PCBD2: variants seen among roughly 807,000 people sequenced by gnomAD.
PCBD2 encodes the protein pterin-4-alpha-carbinolamine dehydratase 2.
PCBD2 carries 12 observed loss-of-function variants against 16.4 expected under a neutral mutation model. That is an observed-to-expected ratio of 0.73 (90% CI 0.47 to 1.19). The LOEUF (loss-of-function observed/expected upper bound fraction) is 1.19, where lower values mean the gene tolerates loss of function less well. PCBD2 is among the 50% of genes most tolerant of loss of function. PCBD2 has a pLI of 0.00. For missense variants in PCBD2, 138 were observed against 156.8 expected (o/e 0.88, Z 0.64); for synonymous variants, 58 against 61.8 (o/e 0.94, Z 0.29).
Position 134,929,252 on chromosome 5 carries a change from C to T in PCBD2, c.216+18786C>T, listed in dbSNP as rs77844458. Among the ~76,000 whole-genome samples, 515 of 149,204 alleles carry T rather than the reference C, an allele frequency of 3.5e-3. 8 individuals carry two copies. The East Asian group carries it at 0.038, about 11-fold the overall frequency. On this transcript the variant is annotated intron_variant, in intron 2 of 3. Transcript: ENST00000254908. ...ATCCCAGCATTTTGGGAGGCCAAGGCGGGAGAATTGCTTGAGGCCAGGAGT... is the reference window on the plus strand; with the variant it reads ...ATCCCAGCATTTTGGGAGGCCAAGGTGGGAGAATTGCTTGAGGCCAGGAGT...
At chr5:134,929,882 A>G (rs1751071449) in intron 2 of PCBD2, among the ~76,000 whole-genome samples, 1 of 152,062 alleles carries the variant, frequency 6.6e-6, no homozygotes, top group African/African-American at 2.4e-5. Flanking sequence ...TTTTGTAGAG[A>G]CAAGGTCTCG....
At chr5:134,927,907 G>C (rs1425359245) in intron 2 of PCBD2, 1 of 397,032 alleles carries the variant, frequency 2.5e-6, no homozygotes, top group Non-Finnish European at 4.4e-6. Context: ...TTGTTGATTT[G>C]GTTGAAAAAT....
intron 2 of PCBD2, chr5:134,924,528 CG>C: frequency 2.5e-6 from 1 of 397,524 alleles, no homozygotes; most frequent in Non-Finnish European, 4.4e-6. Context: ...AGGGCTGATT[CG>C]GGAGGATCCT....
At chr5:134,912,135 TG>T (rs1750775273) in intron 2 of PCBD2, among the ~76,000 whole-genome samples, 1 of 152,358 alleles carries the variant, frequency 6.6e-6, no homozygotes, top group East Asian at 1.9e-4. Flanking sequence ...CATTATTCAC[TG>T]GGGCATTTAA....
intron 2 of PCBD2, among the ~76,000 whole-genome samples, chr5:134,941,632 TAAGTA>T (rs1224540226): frequency 1.3e-5 from 2 of 152,142 alleles, no homozygotes; most frequent in African/African-American, 4.8e-5. Context: ...CTTCTAAAAA[TAAGTA>T]AAGAAAACCA....
At chr5:134,956,727 C>T (rs1295127452) in intron 2 of PCBD2, among the ~76,000 whole-genome samples, 1 of 152,186 alleles carries the variant, frequency 6.6e-6, no homozygotes, top group Non-Finnish European at 1.5e-5. Context: ...AGCCATTCTT[C>T]TGGAAGACAG....
At chr5:134,936,508 C>G (rs1053029538) in intron 2 of PCBD2, among the ~76,000 whole-genome samples, 4 of 152,226 alleles carry the variant, frequency 2.6e-5, no homozygotes, top group Non-Finnish European at 4.4e-5. Flanking sequence ...CAGGAACAGA[C>G]TGTTGGGAAG....
intron 2 of PCBD2, among the ~76,000 whole-genome samples, chr5:134,916,699 A>G (rs771027818): frequency 7.2e-5 from 11 of 152,258 alleles, no homozygotes; most frequent in Non-Finnish European, 1.3e-4. Flanking sequence ...GATAGCTCAG[A>G]TGGATACAAA....
At chr5:134,929,256 A>C (rs1228784456) in intron 2 of PCBD2, among the ~76,000 whole-genome samples, 2 of 151,152 alleles carry the variant, frequency 1.3e-5, no homozygotes, top group Non-Finnish European at 2.9e-5. Flanking sequence ...CCAAGGCGGG[A>C]GAATTGCTTG....
At chr5:134,915,208 A>G (rs1028512415) in intron 2 of PCBD2, among the ~76,000 whole-genome samples, 1 of 151,800 alleles carries the variant, frequency 6.6e-6, no homozygotes, top group Admixed American at 6.6e-5. Context: ...CCAGCTACTC[A>G]GGAGGCTGAG....
intron 2 of PCBD2, among the ~76,000 whole-genome samples, chr5:134,919,863 T>A (rs1341727355): frequency 2.0e-5 from 3 of 152,274 alleles, no homozygotes; most frequent in Non-Finnish European, 4.4e-5. Context: ...CTTTCGGGTT[T>A]GCACTGCAGT....
intron 2 of PCBD2, among the ~76,000 whole-genome samples, chr5:134,939,139 G>T (rs535479778): frequency 1.3e-5 from 2 of 152,160 alleles, no homozygotes; most frequent in South Asian, 4.1e-4. Context: ...TATATTTAAA[G>T]AAAATATTGA....
At chr5:134,929,319 C>T (rs973889261) in intron 2 of PCBD2, among the ~76,000 whole-genome samples, 3 of 148,302 alleles carry the variant, frequency 2.0e-5, no homozygotes, top group Non-Finnish European at 3.0e-5. Context: ...TGCACTGCAA[C>T]CTGGGTAATA....
At chr5:134,958,314 G>A (rs760064467) in intron 2 of PCBD2, among the ~76,000 whole-genome samples, 1 of 152,158 alleles carries the variant, frequency 6.6e-6, no homozygotes, top group African/African-American at 2.4e-5. Flanking sequence ...TCCACTCCCC[G>A]TGTGGTATAA....
Position 134,905,164 on chromosome 5 carries a change from G to GGGGCGCTCC in PCBD2, c.30_31insCTCCGGGCG (p.Ala10_Thr11insLeuArgAla). On this transcript the variant is annotated inframe_insertion, in exon 1 of 4. Transcript: ENST00000254908. ...AATGGCGGCGGTGCTCGGGGCGCTC[G>GGGGCGCTCC]GGGCGACGCGGCGCTTGTTGGCGGC... 1.6e-6 allele frequency: 2 copies of GGGGCGCTCC among 1,223,022 alleles called. No individual in the cohort carries two copies. Among genetic ancestry groups the GGGGCGCTCC allele is most frequent in the Non-Finnish European group, 2.0e-6 (2 of 982,654 alleles). The allele number at this position is 1,223,022 out of a possible 1,614,324, so 75.8% of individuals were successfully genotyped here.
intron 2 of PCBD2, among the ~76,000 whole-genome samples, chr5:134,945,922 A>G (rs1201942913): frequency 1.3e-5 from 2 of 152,138 alleles, no homozygotes; most frequent in African/African-American, 4.8e-5. Context: ...AGACATAGCT[A>G]GGATTAGCAT....
intron 2 of PCBD2, among the ~76,000 whole-genome samples, chr5:134,919,813 G>A (rs940379529): frequency 6.6e-6 from 1 of 152,176 alleles, no homozygotes; most frequent in Non-Finnish European, 1.5e-5. Flanking sequence ...TTTTTCGTTA[G>A]TATGCCTGCC....
At chr5:134,929,310 G>A in intron 2 of PCBD2, among the ~76,000 whole-genome samples, 1 of 148,676 alleles carries the variant, frequency 6.7e-6, no homozygotes, top group Admixed American at 6.7e-5. Context: ...TTGTGCTACT[G>A]CACTGCAACC....
At chr5:134,940,938 G>A (rs992313953) in intron 2 of PCBD2, among the ~76,000 whole-genome samples, 1 of 151,918 alleles carries the variant, frequency 6.6e-6, no homozygotes, top group East Asian at 1.9e-4. Context: ...TGGCCAACAC[G>A]GTGAAATCCC....
Sources: allele counts gnomAD v4.1 joint callset (sites outside exome capture counted in the v4.1 genomes callset), GRCh38; gene constraint gnomAD v4.1.1; transcripts MANE v1.5; gene names NCBI Gene and HGNC (gene_info 2026-07-23, HGNC 2026-07-21).